The following ADK variants were observed in gnomAD, a reference collection of about 807,000 sequenced individuals.
The protein encoded by ADK is adenosine kinase, also known as N6,N6-dimethyladenosine kinase.
ADK carries 24 observed loss-of-function variants against 44.7 expected under a neutral mutation model. The observed-to-expected ratio is 0.54, with a 90% confidence interval of 0.39 to 0.76. The LOEUF is 0.76. ADK is among the 30% of genes least tolerant of loss of function. The pLI is 0.00. For synonymous variants in ADK, 128 were observed against 142.6 expected, an observed-to-expected ratio of 0.90 and a Z score of 0.73; for missense variants, 321 against 425.1, an observed-to-expected ratio of 0.76 and a Z score of 2.15.
chr10:74,366,103 C>A (rs555969656), intron 4 of ADK, among the ~76,000 whole-genome samples: 1 of 152,180 alleles, frequency 6.6e-6, no homozygotes, highest in African/African-American at 2.4e-5. Context: ...AGTGATCAGA[C>A]CTGGAACCTT....
chr10:74,407,863 T>C (rs1320333180), intron 6 of ADK, among the ~76,000 whole-genome samples: 3 of 152,240 alleles, frequency 2.0e-5, no homozygotes, highest in Non-Finnish European at 4.4e-5. Flanking sequence ...CATTGTTAGT[T>C]GTTTAAGATG....
chr10:74,242,987 CCTT>C (rs1328338034), intron 3 of ADK, among the ~76,000 whole-genome samples: 3 of 152,230 alleles, frequency 2.0e-5, no homozygotes, highest in Admixed American at 1.3e-4. Flanking sequence ...TGCATCACTT[CCTT>C]CTTCTTGGAT....
intron 2 of ADK, among the ~76,000 whole-genome samples, chr10:74,203,362 T>C (rs1287700581): frequency 1.3e-5 from 2 of 152,106 alleles, no homozygotes; most frequent in Non-Finnish European, 2.9e-5. Flanking sequence ...TGTTTTGTTT[T>C]TTGTTTTTTT....
chr10:74,195,022 T>C (rs992739085), intron 1 of ADK, among the ~76,000 whole-genome samples: 1 of 151,932 alleles, frequency 6.6e-6, no homozygotes, highest in Non-Finnish European at 1.5e-5. Context: ...ATAATTATAG[T>C]GTAGGTTTAT....
chr10:74,256,307 T>C (rs562920947), intron 3 of ADK, among the ~76,000 whole-genome samples: 5 of 152,272 alleles, frequency 3.3e-5, no homozygotes, highest in African/African-American at 1.2e-4. Flanking sequence ...AAATTTGCAG[T>C]TTTGAAAGAG....
At chr10:74,286,801 A>C (rs117281853) in intron 3 of ADK, among the ~76,000 whole-genome samples, 130 of 152,334 alleles carry the variant, frequency 8.5e-4, no homozygotes, top group Non-Finnish European at 1.5e-3. Context: ...ATGTATTATC[A>C]CACTTAATGC....
At chr10:74,392,506 T>C (rs1438467273) in intron 4 of ADK, among the ~76,000 whole-genome samples, 4 of 152,174 alleles carry the variant, frequency 2.6e-5, no homozygotes, top group African/African-American at 9.6e-5. Flanking sequence ...GATCATGTTA[T>C]TTGTATTTTT....
intron 6 of ADK, among the ~76,000 whole-genome samples, chr10:74,506,764 T>TAG (rs1233623641): frequency 6.6e-6 from 1 of 152,242 alleles, no homozygotes; most frequent in Non-Finnish European, 1.5e-5. Flanking sequence ...TAAGTTTTGA[T>TAG]AGATTTTAAC....
chr10:74,158,581 T>C (rs1218579364), intron 1 of ADK, among the ~76,000 whole-genome samples: 1 of 152,194 alleles, frequency 6.6e-6, no homozygotes, highest in African/African-American at 2.4e-5. Context: ...CATGAATTCC[T>C]CCTGGGTGTT....
chr10:74,419,346 T>G (rs1311095815), intron 6 of ADK, among the ~76,000 whole-genome samples: 1 of 152,174 alleles, frequency 6.6e-6, no homozygotes. Context: ...ATCCCTTATT[T>G]AAATTTTTTA....
intron 9 of ADK, among the ~76,000 whole-genome samples, chr10:74,665,991 G>A (rs373010203): frequency 1.3e-5 from 2 of 152,154 alleles, no homozygotes. Context: ...GTGAGGTTGT[G>A]TGTATCTAGT....
At chr10:74,244,630 A>G (rs1404152903) in intron 3 of ADK, among the ~76,000 whole-genome samples, 1 of 152,192 alleles carries the variant, frequency 6.6e-6, no homozygotes, top group East Asian at 1.9e-4. Flanking sequence ...AATTTGTTTC[A>G]AGATTTCTTT....
chr10:74,391,650 TATAC>T (rs1212921115), intron 4 of ADK, among the ~76,000 whole-genome samples: 5,791 of 134,598 alleles, frequency 0.043, 124 homozygotes, highest in Middle Eastern at 0.068. Flanking sequence ...GAGGCAAGAA[TATAC>T]ACACACACAC....
intron 1 of ADK, among the ~76,000 whole-genome samples, chr10:74,186,323 G>T (rs112184968): frequency 6.6e-6 from 1 of 150,674 alleles, no homozygotes; most frequent in African/African-American, 2.4e-5. Context: ...TTTGTCGCCC[G>T]GGCTTGAGTG....
In ADK at chr10:74,600,504, G is replaced by A. The variant is rs755803752; in HGVS notation, c.877+11G>A. 1.7e-5 allele frequency: 27 copies of A among 1,569,726 alleles called. No individual in the cohort carries two copies. The South Asian group carries it at 2.7e-4, about 16-fold the overall frequency. ...CTATAATGGCTACAGGTACATGTGG[G>A]AAATGTGTGATGAATCTAGTATTAT... is the stretch of plus-strand genomic sequence containing the variant. On this transcript the variant is annotated intron_variant, in intron 9 of 10. Coordinates refer to ENST00000539909, the MANE Select transcript of ADK (RefSeq NM_006721.4).
chr10:74,393,722 G>A (rs1233122438), intron 4 of ADK, among the ~76,000 whole-genome samples: 1 of 152,180 alleles, frequency 6.6e-6, no homozygotes, highest in African/African-American at 2.4e-5. Context: ...TAAGAGATAT[G>A]CTCTAACATG....
intron 3 of ADK, among the ~76,000 whole-genome samples, chr10:74,246,025 A>T (rs1217498449): frequency 6.6e-6 from 1 of 151,968 alleles, no homozygotes. Context: ...TATTCAGGTT[A>T]AAAAAAATCA....
chr10:74,512,468 G>T (rs1412514367), intron 6 of ADK, among the ~76,000 whole-genome samples: 2 of 142,864 alleles, frequency 1.4e-5, no homozygotes, highest in South Asian at 4.4e-4. Flanking sequence ...TCTTGTCATT[G>T]GTCTGTTTAG....
At chr10:74,232,289 C>G (rs1344736911) in intron 3 of ADK, among the ~76,000 whole-genome samples, 1 of 151,974 alleles carries the variant, frequency 6.6e-6, no homozygotes, top group Non-Finnish European at 1.5e-5. Context: ...GAGGCTGAGG[C>G]AGGTAGATCA....
Sources: allele counts gnomAD v4.1 joint callset (sites outside exome capture counted in the v4.1 genomes callset), GRCh38; gene constraint gnomAD v4.1.1; transcripts MANE v1.5; gene names NCBI Gene and HGNC (gene_info 2026-07-23, HGNC 2026-07-21).